TMEM131: variants seen among roughly 807,000 people sequenced by gnomAD.
The protein encoded by TMEM131 is transmembrane protein 131, also known as 2610524E03Rik.
In TMEM131, 66 loss-of-function variants were observed where a neutral mutation model predicts 211.6. That is an observed-to-expected ratio of 0.31 (90% CI 0.26 to 0.38). The LOEUF (loss-of-function observed/expected upper bound fraction) is 0.38, where lower values mean the gene tolerates loss of function less well. Among genes scored for constraint, TMEM131 ranks in the 10% least tolerant of loss-of-function variants. TMEM131 has a pLI of 1.00. For missense variants in TMEM131, 2,036 were observed against 2,299.3 expected (o/e 0.89, Z 2.34); for synonymous variants, 844 against 841.3 (o/e 1.00, Z -0.06).
intron 4 of TMEM131, among the ~76,000 whole-genome samples, chr2:97,861,182 T>A (rs1163212904): frequency 6.7e-6 from 1 of 148,668 alleles, no homozygotes; most frequent in African/African-American, 2.4e-5. Context: ...CTAAATAAAT[T>A]TGAAAGGCAG....
intron 5 of TMEM131, among the ~76,000 whole-genome samples, chr2:97,846,600 G>C (rs935142261): frequency 2.0e-5 from 3 of 151,824 alleles, no homozygotes; most frequent in Admixed American, 2.0e-4. Flanking sequence ...CCCATGGGCT[G>C]CATGCAGCCC....
chr2:97,849,587 C>T (rs1035110761), intron 5 of TMEM131, among the ~76,000 whole-genome samples: 1 of 151,968 alleles, frequency 6.6e-6, no homozygotes, highest in African/African-American at 2.4e-5. Flanking sequence ...CAGAACTATA[C>T]ACTAAAAGGG....
At position 97,841,919 on chromosome 2, in the gene TMEM131, G is replaced by A. The variant is rs757039761; in HGVS notation, c.619C>T (p.Pro207Ser). ...FTYQVFGVGV[P>S]NPYRLRPFLG... Reference sequence around the variant, plus strand: ...AACGGCCTCAATCGATATGGATTTGGAACTCCAACACCAAATACCTGTTTC... The same window carrying A: ...AACGGCCTCAATCGATATGGATTTGAAACTCCAACACCAAATACCTGTTTC... Residue 207 changes from proline to serine, a missense_variant, in exon 7 of 41, where the codon CCA (proline) becomes TCA (serine). Transcript: ENST00000186436. The A allele has an allele frequency of 1.9e-6, 3 of 1,580,164 alleles. No individual in the cohort carries two copies. The South Asian group carries it at 3.5e-5, about 19-fold the overall frequency.
chr2:97,933,969 C>T (rs1482997790), intron 1 of TMEM131, among the ~76,000 whole-genome samples: 1 of 151,930 alleles, frequency 6.6e-6, no homozygotes, highest in Admixed American at 6.6e-5. Context: ...AGACTGGGAA[C>T]ATGTCAAGGA....
At chr2:97,949,680 C>T (rs916761418) in intron 1 of TMEM131, among the ~76,000 whole-genome samples, 8 of 151,534 alleles carry the variant, frequency 5.3e-5, no homozygotes, top group Admixed American at 1.3e-4. Flanking sequence ...ATTAGCTGGG[C>T]GTGGTGGCGG....
intron 1 of TMEM131, among the ~76,000 whole-genome samples, chr2:97,936,509 T>C (rs898583742): frequency 2.0e-5 from 3 of 152,196 alleles, no homozygotes; most frequent in African/African-American, 7.2e-5. Context: ...CACAGGCCTC[T>C]CAACAAAGAT....
At position 97,984,890 on chromosome 2, in the gene TMEM131, C is replaced by T. The variant is rs182171106; in HGVS notation, c.187+10586G>A. On this transcript the variant is annotated intron_variant, in intron 1 of 40. Coordinates refer to ENST00000186436, the MANE Select transcript of TMEM131 (RefSeq NM_015348.2). ...GTGTGTGAGTATAGCCTGGCAGCTG[C>T]AGGCAGCCCAAGTCCAATGGGTATC... 3.5e-3 allele frequency among the ~76,000 whole-genome samples: 529 copies of T among 152,124 alleles called. 3 individuals are homozygous for T. Among genetic ancestry groups the T allele is most frequent in the Middle Eastern group, 0.027 (8 of 292 alleles).
intron 38 of TMEM131, chr2:97,760,162 C>G: frequency 3.8e-6 from 1 of 264,516 alleles, no homozygotes; most frequent in Non-Finnish European, 7.3e-6. Context: ...GGCCACCACA[C>G]CCCCTGCATG....
At chr2:97,952,490 A>G (rs1468069257) in intron 1 of TMEM131, among the ~76,000 whole-genome samples, 2 of 152,172 alleles carry the variant, frequency 1.3e-5, no homozygotes, top group African/African-American at 2.4e-5. Context: ...TAGAACACCA[A>G]TTCGAATTGG....
chr2:97,974,602 GA>G (rs969187927), intron 1 of TMEM131, among the ~76,000 whole-genome samples: 5 of 142,488 alleles, frequency 3.5e-5, no homozygotes, highest in African/African-American at 7.8e-5. Flanking sequence ...AGTATCAAGA[GA>G]AAAAAAAAGA....
At chr2:97,962,908 T>A (rs1037584876) in intron 1 of TMEM131, among the ~76,000 whole-genome samples, 3 of 152,202 alleles carry the variant, frequency 2.0e-5, no homozygotes, top group South Asian at 4.1e-4. Flanking sequence ...AACAAAAGAC[T>A]GCATGTAGTA....
At chr2:97,869,897 G>A (rs1674424928) in intron 4 of TMEM131, among the ~76,000 whole-genome samples, 1 of 152,164 alleles carries the variant, frequency 6.6e-6, no homozygotes, top group South Asian at 2.1e-4. Flanking sequence ...ATCTGCTCGA[G>A]GTCTCACAAG....
chr2:97,782,272 G>A (rs1038300501), intron 31 of TMEM131, among the ~76,000 whole-genome samples: 1 of 152,182 alleles, frequency 6.6e-6, no homozygotes, highest in African/African-American at 2.4e-5. Context: ...CTGCCCTTGC[G>A]AGTCAACAGA....
intron 1 of TMEM131, among the ~76,000 whole-genome samples, chr2:97,950,521 T>C (rs1029084855): frequency 2.0e-5 from 3 of 151,996 alleles, no homozygotes; most frequent in African/African-American, 7.3e-5. Flanking sequence ...CTCCCCCTGC[T>C]AGCAGCTCTA....
chr2:97,796,995 G>C lies in TMEM131; in HGVS notation c.2871-9C>G, dbSNP rs977219625. The C allele has an allele frequency of 4.4e-6, 7 of 1,603,246 alleles. No homozygotes were observed. The African/African-American group carries it at 5.4e-5, about 12-fold the overall frequency. The stretch of plus-strand genomic sequence containing the variant: ...TCACAGTCAGGTTATTTCTATGCAA[G>C]AATGAGAATTACAGATTTTTCTCTC... On this transcript the variant is annotated splice_polypyrimidine_tract_variant and intron_variant, in intron 26 of 40. Coordinates refer to ENST00000186436, the MANE Select transcript of TMEM131 (RefSeq NM_015348.2).
intron 37 of TMEM131, 22 bp from the exon 38 acceptor site, chr2:97,760,711 C>G (rs1450494726): frequency 6.2e-7 from 1 of 1,613,988 alleles, no homozygotes; most frequent in Non-Finnish European, 8.5e-7. Flanking sequence ...GACGTTCAAT[C>G]AATGGAAGGC....
chr2:97,870,987 T>A (rs530499143), intron 4 of TMEM131, among the ~76,000 whole-genome samples: 4 of 152,190 alleles, frequency 2.6e-5, no homozygotes, highest in Non-Finnish European at 5.9e-5. Flanking sequence ...CAAAAAGTCA[T>A]CAGAGAAAAA....
In TMEM131 at chr2:97,813,953, G is replaced by A. The variant is rs1176912642; in HGVS notation, c.1617+18C>T. On this transcript the variant is annotated intron_variant, in intron 15 of 40. Transcript: ENST00000186436. ...GTGGGCAGGGAGTTTAAATGTTAAAGATGGATAATATACTTACATCTAAAA... is the reference window on the plus strand; with the variant it reads ...GTGGGCAGGGAGTTTAAATGTTAAAAATGGATAATATACTTACATCTAAAA... The A allele has an allele frequency of 8.4e-6, 13 of 1,551,572 alleles. No individual in the cohort carries two copies. Among genetic ancestry groups the A allele is most frequent in the Non-Finnish European group, 1.1e-5 (13 of 1,145,830 alleles).
intron 1 of TMEM131, among the ~76,000 whole-genome samples, chr2:97,936,266 T>C (rs1677440426): frequency 6.6e-6 from 1 of 152,220 alleles, no homozygotes; most frequent in Non-Finnish European, 1.5e-5. Flanking sequence ...GAATAAGATG[T>C]CCACAGGGGC....
Sources: gnomAD v4.1 joint callset for allele counts (sites outside exome capture counted in the v4.1 genomes callset) on GRCh38, gnomAD v4.1.1 for gene constraint, MANE v1.5 for transcripts, NCBI Gene and HGNC (gene_info 2026-07-23, HGNC 2026-07-21) for gene names.